FIG4: variants seen among roughly 807,000 people sequenced by gnomAD.
FIG4 encodes FIG4 phosphoinositide 5-phosphatase.
A neutral mutation model predicts 118.6 loss-of-function variants in FIG4; 112 were observed. The ratio of observed to expected loss-of-function variants is 0.94; its 90% CI spans 0.81 to 1.11. The LOEUF (loss-of-function observed/expected upper bound fraction) is 1.11, where lower values mean the gene tolerates loss of function less well. FIG4 is among the 50% of genes least tolerant of loss of function. The pLI is 0.00. For synonymous variants in FIG4, 369 were observed against 381.2 expected (o/e 0.97, Z 0.37); for missense variants, 969 against 1,111.7 (o/e 0.87, Z 1.83).
chr6:109,791,712 T>C (rs1395696530), intron 20 of FIG4, 141 bp downstream of exon 20: 2 of 743,598 alleles, frequency 2.7e-6, no homozygotes, highest in African/African-American at 1.7e-5. Flanking sequence ...ATAAGATGAA[T>C]ACATTTAGCA....
At chr6:109,817,093 A>G (rs2128401340) in intron 22 of FIG4, among the ~76,000 whole-genome samples, 1 of 152,360 alleles carries the variant, frequency 6.6e-6, no homozygotes, top group Middle Eastern at 3.4e-3. Context: ...GGGAGAAAGG[A>G]TGACTCTGGT....
At chr6:109,786,801 G>A (rs1221835358) in intron 18 of FIG4, among the ~76,000 whole-genome samples, 1 of 152,172 alleles carries the variant, frequency 6.6e-6, no homozygotes, top group African/African-American at 2.4e-5. Flanking sequence ...AGGCTAGGAT[G>A]TGAATCTTAG....
In FIG4 at chr6:109,765,162, G is replaced by T. The variant is rs781622824; in HGVS notation, c.1583+1G>T. 6.2e-7 allele frequency: 1 copy of T among 1,613,924 alleles called. No individual in the cohort carries two copies. The highest frequency in any genetic ancestry group is 8.5e-7 in the Non-Finnish European group (1 of 1,179,826). ...TACAGTTTGATACAGATGCAGTTAG[G>T]TAAGTCTTATTTTTTGCTATTTGAA... On this transcript the variant is annotated splice_donor_variant, in intron 14 of 22. Transcript: ENST00000230124. LOFTEE classifies it high-confidence loss of function.
intron 16 of FIG4, among the ~76,000 whole-genome samples, chr6:109,777,292 A>G (rs1167928316): frequency 6.6e-6 from 1 of 152,218 alleles, no homozygotes; most frequent in Non-Finnish European, 1.5e-5. Context: ...TGGGGTATCC[A>G]TCCTCTGATG....
At chr6:109,815,567 C>T (rs1475409514) in intron 22 of FIG4, among the ~76,000 whole-genome samples, 2 of 145,382 alleles carry the variant, frequency 1.4e-5, no homozygotes, top group African/African-American at 2.6e-5. Flanking sequence ...CAGACTGTCA[C>T]AGGCTGCCTC....
intron 16 of FIG4, among the ~76,000 whole-genome samples, chr6:109,783,419 A>G (rs747054488): frequency 2.6e-5 from 4 of 152,168 alleles, no homozygotes; most frequent in Non-Finnish European, 5.9e-5. Context: ...CCTCTTGTAG[A>G]GACGCTCTAG....
chr6:109,694,498 AG>A (rs1236583689), intron 1 of FIG4, among the ~76,000 whole-genome samples: 2 of 152,238 alleles, frequency 1.3e-5, no homozygotes, highest in Non-Finnish European at 2.9e-5. Context: ...AAGAAAACAT[AG>A]GGGAAATGCT....
At chr6:109,743,337 C>T (rs918288429) in intron 9 of FIG4, 65 bp downstream of exon 9, 3 of 1,490,888 alleles carry the variant, frequency 2.0e-6, no homozygotes, top group Non-Finnish European at 2.8e-6. Context: ...GAACTGTTGT[C>T]ACAGAAATCT....
chr6:109,715,591 C>T (rs1775405873), intron 2 of FIG4, among the ~76,000 whole-genome samples: 1 of 152,134 alleles, frequency 6.6e-6, no homozygotes, highest in South Asian at 2.1e-4. Context: ...TAAAAATCAC[C>T]TCTAGGACCT....
chr6:109,701,748 A>T, intron 1 of FIG4: 1 of 471,584 alleles, frequency 2.1e-6, no homozygotes, highest in East Asian at 6.9e-5. Context: ...TTTCTTAATT[A>T]GCCTTGATTT....
rs766713181 is a variant in FIG4, at chr6:109,796,816, GC to G, written c.2514del (p.Cys839ValfsTer9). 5.6e-6 allele frequency: 9 copies of G among 1,611,644 alleles called. No homozygotes were observed. In the South Asian group the frequency reaches 9.9e-5, roughly 18 times the overall value. The stretch of plus-strand genomic sequence containing the variant: ...ATAAACAAGACAAGAATAGCCAGCA[GC>G]CCTGTTCTAGGTGCTCAGATGGAGT... The part of the protein sequence containing the change: ...QHKQDKNSQQ[P>X]CSRCSDGVIK... On this transcript the variant is annotated frameshift_variant, in exon 22 of 23. Transcript: ENST00000230124. LOFTEE classifies it high-confidence loss of function.
intron 6 of FIG4, among the ~76,000 whole-genome samples, chr6:109,736,266 G>A (rs1394281969): frequency 2.0e-5 from 3 of 152,140 alleles, no homozygotes; most frequent in Non-Finnish European, 4.4e-5. Flanking sequence ...CTCTCAAAAA[G>A]AGGCTGTGTT....
chr6:109,713,100 G>A (rs576875124), intron 1 of FIG4, among the ~76,000 whole-genome samples: 1 of 152,190 alleles, frequency 6.6e-6, no homozygotes, highest in Non-Finnish European at 1.5e-5. Context: ...TTAGGTATCC[G>A]ATGCGCTGAG....
intron 6 of FIG4, among the ~76,000 whole-genome samples, chr6:109,737,388 A>G: frequency 6.6e-6 from 1 of 152,208 alleles, no homozygotes; most frequent in Admixed American, 6.5e-5. Context: ...ATTCAAAGAC[A>G]TTAAGTAACT....
At chr6:109,774,594 T>C (rs1333738489) in intron 15 of FIG4, among the ~76,000 whole-genome samples, 1 of 152,184 alleles carries the variant, frequency 6.6e-6, no homozygotes, top group Non-Finnish European at 1.5e-5. Context: ...ATGTTCCCCT[T>C]GGCAGAGTAT....
At chr6:109,693,691 G>A (rs1774622232) in intron 1 of FIG4, among the ~76,000 whole-genome samples, 1 of 152,150 alleles carries the variant, frequency 6.6e-6, no homozygotes. Context: ...ACTCAACTAT[G>A]ATTGGTTATC....
At chr6:109,702,871 C>G (rs1774946764) in intron 1 of FIG4, among the ~76,000 whole-genome samples, 1 of 152,128 alleles carries the variant, frequency 6.6e-6, no homozygotes, top group African/African-American at 2.4e-5. Context: ...CTTAAGTATT[C>G]TTCTGGGTTT....
At chr6:109,745,552 A>T (rs899087513) in intron 10 of FIG4, among the ~76,000 whole-genome samples, 8 of 152,064 alleles carry the variant, frequency 5.3e-5, no homozygotes, top group African/African-American at 1.9e-4. Context: ...CCTTTGTGAG[A>T]TGGAGAGATG....
At chr6:109,737,009 G>C (rs1259729302) in intron 6 of FIG4, among the ~76,000 whole-genome samples, 1 of 152,094 alleles carries the variant, frequency 6.6e-6, no homozygotes, top group African/African-American at 2.4e-5. Flanking sequence ...CAAGGACCCT[G>C]TGATTATATT....
Sources: allele counts gnomAD v4.1 joint callset (sites outside exome capture counted in the v4.1 genomes callset), GRCh38; gene constraint gnomAD v4.1.1; transcripts MANE v1.5; gene names NCBI Gene and HGNC (gene_info 2026-07-23, HGNC 2026-07-21).